Variants in TLR10 observed in about 807,000 individuals in gnomAD.
TLR10 encodes toll-like receptor 10.
For synonymous variants in TLR10, 288 were observed against 338.8 expected (o/e 0.85, Z 1.65); for missense variants, 929 against 932.9 (o/e 1.00, Z 0.05).
chr4:38,774,660 C>T lies in TLR10; in HGVS notation c.931G>A (p.Val311Met). ...ATTTTATCCTGTTGAATGTAAAACACTCTGAAATGTACATGCTCCAATTTT... is the reference window on the plus strand; with the variant it reads ...ATTTTATCCTGTTGAATGTAAAACATTCTGAAATGTACATGCTCCAATTTT... ...TIKLEHVHFR[V>M]FYIQQDKIYL... is the part of the protein sequence containing the mutation. The change falls in exon 4 of 4, where the codon GTG becomes ATG. Residue 311 changes from valine (V) to methionine (M), a missense_variant. Physicochemically the swap from Val to Met is conservative, Grantham distance 21 (BLOSUM62 1). Transcript: ENST00000308973. 1 of 1,564,020 alleles carries T rather than the reference C, an allele frequency of 6.4e-7. No homozygotes were observed. The highest frequency in any genetic ancestry group is 8.6e-7 in the Non-Finnish European group (1 of 1,160,716).
Position 38,775,191 on chromosome 4 carries a change from T to G in TLR10, c.400A>C (p.Ile134Leu), listed in dbSNP as rs149359474. 3.7e-5 allele frequency: 60 copies of G among 1,613,782 alleles called. No homozygotes were observed. The Admixed American group carries it at 6.7e-4, about 18-fold the overall frequency. ...LSFNDFDTMP[I>L]CEEAGNMSHL... ...GACATGTTGCCAGCTTCCTCACAGA[T>G]AGGCATGGTGTCAAAGTCATTAAAA... Residue 134 changes from isoleucine (I) to leucine (L), a missense_variant, in exon 4 of 4, where the codon ATC becomes CTC. Transcript: ENST00000308973.
At chr4:38,782,471 A>C (rs1231867587) in intron 1 of TLR10, among the ~76,000 whole-genome samples, 1 of 152,226 alleles carries the variant, frequency 6.6e-6, no homozygotes, top group African/African-American at 2.4e-5. Flanking sequence ...TAAGAACTGC[A>C]TTGTACAAGA....
chr4:38,773,697 C>T lies in TLR10; in HGVS notation c.1894G>A (p.Val632Ile). Reference protein sequence around the residue: ...KTTQEQLKRNVRFHAFISYSE... With the variant: ...KTTQEQLKRNIRFHAFISYSE... Reference sequence around the variant, plus strand: ...TATGAAATAAATGCGTGGAATCGGACATTTCTCTTGAGTTGTTCTTGGGTT... The same window carrying T: ...TATGAAATAAATGCGTGGAATCGGATATTTCTCTTGAGTTGTTCTTGGGTT... The change falls in exon 4 of 4, where the codon GTC becomes ATC. Residue 632 changes from valine to isoleucine, a missense_variant. Val to Ile is a conservative substitution (Grantham distance 29, BLOSUM62 3). Coordinates refer to ENST00000308973, the MANE Select transcript of TLR10 (RefSeq NM_030956.4). 6.2e-7 allele frequency: 1 copy of T among 1,613,722 alleles called. No individual in the cohort carries two copies. Among genetic ancestry groups the T allele is most frequent in the Non-Finnish European group, 8.5e-7 (1 of 1,179,860 alleles).
In TLR10 at chr4:38,773,051, AT is replaced by A; in HGVS notation, c.*103del. The stretch of plus-strand genomic sequence containing the variant: ...AGAAACTGATATGAAGGGAATAACC[AT>A]TTTTTATTTTAATAAATATTGTCAA... On this transcript the variant is annotated 3_prime_UTR_variant, in exon 4 of 4. Transcript: ENST00000308973. The A allele has an allele frequency of 8.6e-7, 1 of 1,163,512 alleles. No homozygotes were observed. Among genetic ancestry groups the A allele is most frequent in the Non-Finnish European group, 1.1e-6 (1 of 884,534 alleles). The allele number at this position is 1,163,512 out of a possible 1,614,324, so 72.1% of individuals were successfully genotyped here.
At chr4:38,781,216 G>A (rs1229326982) in intron 1 of TLR10, among the ~76,000 whole-genome samples, 2 of 152,124 alleles carry the variant, frequency 1.3e-5, no homozygotes, top group Admixed American at 6.5e-5. Flanking sequence ...ATGTTGCCAA[G>A]GCTGCTCTTA....
At position 38,773,782 on chromosome 4, in the gene TLR10, C is replaced by A. The variant is rs781738437; in HGVS notation, c.1809G>T (p.Leu603=). The A allele has an allele frequency of 1.2e-6, 2 of 1,605,840 alleles. No homozygotes were observed. Among genetic ancestry groups the A allele is most frequent in the East Asian group, 2.2e-5 (1 of 44,864 alleles). ...AVAFCCLHFD[L]PWYLRMLGQC... is the part of the protein sequence containing the mutation. ...GACCTAGCATCCTGAGATACCAGGGCAGATCAAAGTGGAGACAGCAGAAGG... is the reference window on the plus strand; with the variant it reads ...GACCTAGCATCCTGAGATACCAGGGAAGATCAAAGTGGAGACAGCAGAAGG... The change falls in exon 4 of 4, where the codon CTG becomes CTT. Residue 603 remains leucine, a synonymous_variant. Transcript: ENST00000308973.
At position 38,772,920 on chromosome 4, in the gene TLR10, C is replaced by T. The variant is rs987536853; in HGVS notation, c.*235G>A. 6.5e-6 allele frequency: 2 copies of T among 307,180 alleles called. No homozygotes were observed. The highest frequency in any genetic ancestry group is 1.1e-5 in the Non-Finnish European group (2 of 176,840). 19.0% of individuals were successfully genotyped at this position (307,180 alleles called of 1,614,324 possible). A position where few individuals can be genotyped will look rare whatever the true frequency, so the allele number is the denominator to read the frequency against. ...ACAAGAGTGAGCCACTGCACCTGGC[C>T]ACATTTTTCATGATTATAAACAATC... On this transcript the variant is annotated 3_prime_UTR_variant, in exon 4 of 4. Transcript: ENST00000308973.
In TLR10 at chr4:38,774,747, C is replaced by T. The variant is rs201469171; in HGVS notation, c.844G>A (p.Gly282Ser). ...EHFQIRNVTFGGKAYLDHNSF... is the reference protein window; with the variant it reads ...EHFQIRNVTFSGKAYLDHNSF... ...TTGTGGTCAAGATAAGCCTTACCAC[C>T]AAAAGTCACATTTCGGATCTGAAAG... The change falls in exon 4 of 4, where the codon GGT (glycine) becomes AGT (serine). Residue 282 changes from glycine (G) to serine (S), a missense_variant. Coordinates refer to ENST00000308973, the MANE Select transcript of TLR10 (RefSeq NM_030956.4). 1.9e-6 allele frequency: 3 copies of T among 1,599,128 alleles called. No homozygotes were observed. The highest frequency in any genetic ancestry group is 2.6e-6 in the Non-Finnish European group (3 of 1,175,236).
rs2109306669 is a variant in TLR10 at position 38,774,421 on chromosome 4, T to C, written c.1170A>G (p.Val390=). 6.2e-7 allele frequency: 1 copy of C among 1,613,340 alleles called. No homozygotes were observed. The highest frequency in any genetic ancestry group is 8.5e-7 in the Non-Finnish European group (1 of 1,179,808). ...AGGGTGTGTTGTTAGCAAAGCAACT[T>C]ACTAAAGAAAGTGTCTCCAGTTTAT... is the stretch of plus-strand genomic sequence containing the variant. ...NGNKLETLSL[V]SCFANNTPLE... Residue 390 remains valine (V), a synonymous_variant, in exon 4 of 4, where the codon GTA becomes GTG. Coordinates refer to ENST00000308973, the MANE Select transcript of TLR10 (RefSeq NM_030956.4).
intron 1 of TLR10, among the ~76,000 whole-genome samples, chr4:38,782,561 C>G (rs28613877): frequency 0.15 from 22,451 of 152,140 alleles, 2,854 homozygotes; most frequent in African/African-American, 0.35. Context: ...AACAAATATG[C>G]CTTAAATAGC....
rs763005845 is a variant in TLR10 at position 38,774,515 on chromosome 4, ATAT to A, written c.1073_1075del (p.Asn358del). Reference sequence around the variant, plus strand: ...TCTTTTAAACAACTCGTCTGTTAAGATATTATTGGCAAAATTTAAATATTGGAA... The same window carrying A: ...TCTTTTAAACAACTCGTCTGTTAAGATATTGGCAAAATTTAAATATTGGAA... On this transcript the variant is annotated inframe_deletion, in exon 4 of 4. Transcript: ENST00000308973. 3.2e-6 allele frequency: 5 copies of A among 1,585,102 alleles called. No homozygotes were observed. In the East Asian group the frequency reaches 1.1e-4, roughly 35 times the overall value.
Position 38,773,748 on chromosome 4 carries a change from G to C in TLR10, c.1843C>G (p.Gln615Glu). ...WYLRMLGQCT[Q>E]TWHRVRKTTQ... is the part of the protein sequence containing the mutation. ...GTTTTCCTAACCCTGTGCCATGTTT[G>C]TGTGCATTGACCTAGCATCCTGAGA... Residue 615 changes from glutamine to glutamate, a missense_variant, in exon 4 of 4, where the codon CAA (glutamine) becomes GAA (glutamate). Gln to Glu is a conservative substitution (Grantham distance 29, BLOSUM62 2). Coordinates refer to ENST00000308973, the MANE Select transcript of TLR10 (RefSeq NM_030956.4). The C allele has an allele frequency of 6.2e-7, 1 of 1,613,524 alleles. No individual in the cohort carries two copies. The highest frequency in any genetic ancestry group is 8.5e-7 in the Non-Finnish European group (1 of 1,179,806).
At position 38,775,125 on chromosome 4, in the gene TLR10, T is replaced by C; in HGVS notation, c.466A>G (p.Lys156Glu). The C allele has an allele frequency of 6.2e-7, 1 of 1,613,578 alleles. No homozygotes were observed. The highest frequency in any genetic ancestry group is 8.5e-7 in the Non-Finnish European group (1 of 1,179,998). The change falls in exon 4 of 4, where the codon AAA becomes GAA. Residue 156 changes from lysine to glutamate, a missense_variant. Coordinates refer to ENST00000308973, the MANE Select transcript of TLR10 (RefSeq NM_030956.4). ...TGAGCAATTTTCTGGAAATCTGATT[T>C]TTGTATTTTTGCCCCACTCAAACCT... ...ILGLSGAKIQ[K>E]SDFQKIAHLH...
At chr4:38,777,667 A>T (rs1479805464) in intron 1 of TLR10, among the ~76,000 whole-genome samples, 1 of 152,234 alleles carries the variant, frequency 6.6e-6, no homozygotes, top group Non-Finnish European at 1.5e-5. Context: ...TCAAAAGAAG[A>T]CATTTATGCA....
intron 1 of TLR10, among the ~76,000 whole-genome samples, chr4:38,782,151 C>A (rs138389786): frequency 2.3e-4 from 35 of 152,306 alleles, no homozygotes; most frequent in Non-Finnish European, 4.1e-4. Flanking sequence ...GCTGCCATGG[C>A]GGCCACTTCC....
Position 38,773,434 on chromosome 4 carries a change from A to G in TLR10, c.2157T>C (p.His719=). 4 of 1,612,226 alleles carry G rather than the reference A, an allele frequency of 2.5e-6. No homozygotes were observed. Among genetic ancestry groups the G allele is most frequent in the Non-Finnish European group, 3.4e-6 (4 of 1,179,412 alleles). ...TAAGAATTATATGATCAGAATTTTC[A>G]TGGAAGAGATTGTGGTGGGCAAAGT... is the stretch of plus-strand genomic sequence containing the variant. ...EFYFAHHNLF[H]ENSDHIILIL... Residue 719 remains histidine (H), a synonymous_variant, in exon 4 of 4, where the codon CAT becomes CAC. Coordinates refer to ENST00000308973, the MANE Select transcript of TLR10 (RefSeq NM_030956.4).
At chr4:38,782,326 T>A (rs146343462) in intron 1 of TLR10, among the ~76,000 whole-genome samples, 3 of 152,306 alleles carry the variant, frequency 2.0e-5, no homozygotes, top group African/African-American at 7.2e-5. Flanking sequence ...TGCATCCTAT[T>A]CCTAATTAAT....
chr4:38,780,160 T>C (rs546864030), intron 1 of TLR10, among the ~76,000 whole-genome samples: 1 of 152,254 alleles, frequency 6.6e-6, no homozygotes, highest in South Asian at 2.1e-4. Flanking sequence ...CCCAGCACTT[T>C]GGGAGGCTGA....
At position 38,775,171 on chromosome 4, in the gene TLR10, G is replaced by C; in HGVS notation, c.420C>G (p.Asn140Lys). 6.2e-7 allele frequency: 1 copy of C among 1,613,730 alleles called. No individual in the cohort carries two copies. The highest frequency in any genetic ancestry group is 8.5e-7 in the Non-Finnish European group (1 of 1,179,940). Residue 140 changes from asparagine to lysine, a missense_variant, in exon 4 of 4, where the codon AAC (asparagine) becomes AAG (lysine). Transcript: ENST00000308973. ...AACCTAGGATTTCCAGGTGTGACAT[G>C]TTGCCAGCTTCCTCACAGATAGGCA... is the stretch of plus-strand genomic sequence containing the variant. ...DTMPICEEAG[N>K]MSHLEILGLS...
Sources: allele counts gnomAD v4.1 joint callset (sites outside exome capture counted in the v4.1 genomes callset), GRCh38; gene constraint gnomAD v4.1.1; transcripts MANE v1.5; gene names NCBI Gene and HGNC (gene_info 2026-07-23, HGNC 2026-07-21).